Variants in UBE3D observed in about 807,000 individuals in gnomAD.
The protein encoded by UBE3D is E3 ubiquitin-protein ligase E3D.
A neutral mutation model predicts 49.6 loss-of-function variants in UBE3D; 48 were observed. The observed-to-expected ratio is 0.97, with a 90% CI of 0.77 to 1.23. UBE3D has a LOEUF of 1.23. UBE3D is among the 50% of genes most tolerant of loss of function. UBE3D has a pLI of 0.00. For missense variants in UBE3D, 452 were observed against 468.4 expected, an observed-to-expected ratio of 0.96 and a Z score of 0.32; for synonymous variants, 189 against 174.2, an observed-to-expected ratio of 1.08 and a Z score of -0.67.
At chr6:82,992,310 C>T (rs1778948638) in intron 8 of UBE3D, among the ~76,000 whole-genome samples, 1 of 149,396 alleles carries the variant, frequency 6.7e-6, no homozygotes, top group South Asian at 2.1e-4. Flanking sequence ...GCAACCTCTG[C>T]CTCCTGGGTT....
At chr6:82,922,605 A>C (rs293500) in intron 9 of UBE3D, among the ~76,000 whole-genome samples, 1 of 151,592 alleles carries the variant, frequency 6.6e-6, no homozygotes, top group East Asian at 1.9e-4. Flanking sequence ...AGACTTAAAC[A>C]TAAGACCTAG....
At chr6:82,987,707 A>G (rs964165183) in intron 8 of UBE3D, among the ~76,000 whole-genome samples, 2 of 152,220 alleles carry the variant, frequency 1.3e-5, no homozygotes, top group African/African-American at 2.4e-5. Flanking sequence ...CTAAGGTCCA[A>G]TCATTCCATC....
intron 8 of UBE3D, among the ~76,000 whole-genome samples, chr6:82,963,868 T>C (rs112114668): frequency 6.7e-4 from 102 of 152,260 alleles, no homozygotes; most frequent in African/African-American, 2.2e-3. Flanking sequence ...TTAAGAACCA[T>C]AGGGCAGAAT....
At chr6:82,966,999 T>G (rs1776985515) in intron 8 of UBE3D, among the ~76,000 whole-genome samples, 1 of 152,168 alleles carries the variant, frequency 6.6e-6, no homozygotes, top group Admixed American at 6.5e-5. Flanking sequence ...TAAAAATATT[T>G]TTTTCATTTT....
chr6:82,967,974 C>T (rs1777071539), intron 8 of UBE3D, among the ~76,000 whole-genome samples: 1 of 152,060 alleles, frequency 6.6e-6, no homozygotes. Flanking sequence ...AGTAAATTTC[C>T]ATGGAATATA....
chr6:82,887,711 C>CAA (rs898209606), downstream of UBE3D, among the ~76,000 whole-genome samples: 1 of 147,532 alleles, frequency 6.8e-6, no homozygotes. Flanking sequence ...TCCATCCCCC[C>CAA]AAAAAAAAAG....
rs200187722 is a variant in UBE3D, at chr6:82,952,432, A to AT, written c.1149+4879dup. 1.4e-3 allele frequency among the ~76,000 whole-genome samples: 206 copies of AT among 148,036 alleles called. 1 individual carries two copies. The highest frequency in any genetic ancestry group is 3.5e-3 in the African/African-American group (143 of 40,562). On this transcript the variant is annotated intron_variant, in intron 9 of 9. Coordinates refer to ENST00000369747, the MANE Select transcript of UBE3D (RefSeq NM_198920.3). Reference sequence around the variant, plus strand: ...ATTATTATCTGATTATTAATATCTAATTTTTTTTTTTTGAGATAGGGTCTC... The same window carrying AT: ...ATTATTATCTGATTATTAATATCTAATTTTTTTTTTTTTGAGATAGGGTCTC...
intron 9 of UBE3D, among the ~76,000 whole-genome samples, chr6:82,934,085 A>G (rs1774374671): frequency 6.6e-6 from 1 of 152,136 alleles, no homozygotes; most frequent in Admixed American, 6.5e-5. Flanking sequence ...TGTTTCCCCC[A>G]TGCTGTTCTC....
chr6:82,997,402 A>G (rs1040784023), intron 8 of UBE3D, among the ~76,000 whole-genome samples: 3 of 152,188 alleles, frequency 2.0e-5, no homozygotes, highest in Non-Finnish European at 4.4e-5. Flanking sequence ...ACACTATGGT[A>G]TATGACATTA....
At chr6:82,970,754 G>A (rs1582505625) in intron 8 of UBE3D, among the ~76,000 whole-genome samples, 2 of 151,976 alleles carry the variant, frequency 1.3e-5, no homozygotes, top group East Asian at 3.9e-4. Flanking sequence ...CAGGAGAATC[G>A]CTTGAACCCG....
At chr6:82,985,500 C>A (rs1290482048) in intron 8 of UBE3D, among the ~76,000 whole-genome samples, 1 of 152,016 alleles carries the variant, frequency 6.6e-6, no homozygotes, top group Non-Finnish European at 1.5e-5. Context: ...GTAGCTTGGA[C>A]TACAGGCATA....
the UBE3D span, among the ~76,000 whole-genome samples, chr6:82,885,755 A>T: frequency 3.3e-5 from 5 of 152,314 alleles, no homozygotes; most frequent in East Asian, 3.9e-4. Context: ...TGGCATTCAA[A>T]GCTTTCCACA....
rs1582291893 is a variant in UBE3D, at chr6:82,904,162, G to T, written c.1150-11120C>A. Among the ~76,000 whole-genome samples, 5 of 152,274 alleles carry T rather than the reference G, an allele frequency of 3.3e-5. 1 individual carries two copies. The Middle Eastern group carries it at 0.014, about 414-fold the overall frequency. On this transcript the variant is annotated intron_variant, in intron 9 of 9. Coordinates refer to ENST00000369747, the MANE Select transcript of UBE3D (RefSeq NM_198920.3). ...GTACAGTAAGTCCCCAGTTAATGTTGTTGATAGGTTTTTGGAAACTGTGAC... is the reference window on the plus strand; with the variant it reads ...GTACAGTAAGTCCCCAGTTAATGTTTTTGATAGGTTTTTGGAAACTGTGAC...
At chr6:82,964,426 G>A (rs1365781932) in intron 8 of UBE3D, among the ~76,000 whole-genome samples, 1 of 152,062 alleles carries the variant, frequency 6.6e-6, no homozygotes, top group Non-Finnish European at 1.5e-5. Flanking sequence ...TTATTGTGTA[G>A]AGAAGAAAAA....
At chr6:83,061,291 GA>G (rs575753158) in intron 1 of UBE3D, among the ~76,000 whole-genome samples, 161 of 152,308 alleles carry the variant, frequency 1.1e-3, no homozygotes, top group African/African-American at 3.8e-3. Context: ...GAGGAAGCAT[GA>G]CAGTGAAATG....
At position 83,027,556 on chromosome 6, in the gene UBE3D, CTTGAGA is replaced by C. The variant is rs202217283; in HGVS notation, c.668-3524_668-3519del. On this transcript the variant is annotated intron_variant, in intron 5 of 9. Coordinates refer to ENST00000369747, the MANE Select transcript of UBE3D (RefSeq NM_198920.3). ...CCTTAATTCTTGAAGGAAATTTTCA[CTTGAGA>C]TTAAGTCCTAGGATCAACAGTTATT... Among the ~76,000 whole-genome samples the C allele has an allele frequency of 9.7e-3, 1,456 of 149,822 alleles. 20 individuals carry two copies. The highest frequency in any genetic ancestry group is 0.034 in the African/African-American group (1,385 of 40,802).
intron 2 of UBE3D, among the ~76,000 whole-genome samples, chr6:83,056,299 T>C (rs139819829): frequency 1.6e-4 from 24 of 152,328 alleles, no homozygotes; most frequent in African/African-American, 5.8e-4. Context: ...ACTGTGGCTT[T>C]CATGCTTGCC....
chr6:82,989,601 A>G (rs1778747710), intron 8 of UBE3D, among the ~76,000 whole-genome samples: 1 of 152,202 alleles, frequency 6.6e-6, no homozygotes, highest in African/African-American at 2.4e-5. Flanking sequence ...GTATACAAAT[A>G]GACATGGCTG....
intron 9 of UBE3D, among the ~76,000 whole-genome samples, chr6:82,895,381 T>C (rs928927085): frequency 3.3e-5 from 5 of 152,160 alleles, no homozygotes; most frequent in Non-Finnish European, 5.9e-5. Flanking sequence ...CTTGAGGTGA[T>C]TTTGTGTACT....
Sources: gnomAD v4.1 joint callset for allele counts (sites outside exome capture counted in the v4.1 genomes callset) on GRCh38, gnomAD v4.1.1 for gene constraint, MANE v1.5 for transcripts, NCBI Gene and HGNC (gene_info 2026-07-23, HGNC 2026-07-21) for gene names.